The following FARS2 variants were observed in gnomAD, a reference collection of about 807,000 sequenced individuals.
FARS2 encodes the protein phenylalanine--tRNA ligase, mitochondrial.
In FARS2, 40 loss-of-function variants were observed where a neutral mutation model predicts 46.4. The ratio of observed to expected loss-of-function variants is 0.86; its 90% CI spans 0.67 to 1.12. The LOEUF is 1.12. FARS2 is among the 50% of genes most tolerant of loss of function. The pLI is 0.00. For missense variants in FARS2, 513 were observed against 567.9 expected (o/e 0.90, Z 0.98); for synonymous variants, 234 against 214.9 (o/e 1.09, Z -0.78).
At chr6:5,637,829 C>T (rs1776618582) in intron 6 of FARS2, among the ~76,000 whole-genome samples, 1 of 152,126 alleles carries the variant, frequency 6.6e-6, no homozygotes, top group South Asian at 2.1e-4. Flanking sequence ...TCTGTGTCCT[C>T]CACTTCTTAT....
intron 4 of FARS2, among the ~76,000 whole-genome samples, chr6:5,507,331 G>A (rs1486632021): frequency 6.6e-6 from 1 of 152,058 alleles, no homozygotes; most frequent in African/African-American, 2.4e-5. Flanking sequence ...CCCATTTGGG[G>A]TTTGAGGTAT....
chr6:5,349,909 T>C (rs1368904006), intron 1 of FARS2, among the ~76,000 whole-genome samples: 2 of 151,544 alleles, frequency 1.3e-5, no homozygotes, highest in Admixed American at 6.6e-5. Context: ...AGGATCACAA[T>C]TGTAAAGGGC....
At chr6:5,383,805 C>T (rs1023962222) in intron 2 of FARS2, among the ~76,000 whole-genome samples, 15 of 151,284 alleles carry the variant, frequency 9.9e-5, no homozygotes, top group Non-Finnish European at 4.4e-5. Context: ...TGTTCTTTCC[C>T]GTGGTTGACT....
At chr6:5,402,233 T>G (rs201224196) in intron 2 of FARS2, among the ~76,000 whole-genome samples, 1 of 150,290 alleles carries the variant, frequency 6.7e-6, no homozygotes, top group Non-Finnish European at 1.5e-5. Flanking sequence ...CTTTTTTTTT[T>G]CTGAGTTAAA....
chr6:5,692,894 C>T (rs1757847920), intron 6 of FARS2, among the ~76,000 whole-genome samples: 1 of 152,146 alleles, frequency 6.6e-6, no homozygotes, highest in Non-Finnish European at 1.5e-5. Flanking sequence ...GCCAACCCTC[C>T]CAAGCTTCAG....
intron 4 of FARS2, among the ~76,000 whole-genome samples, chr6:5,492,845 TA>T (rs202063483): frequency 0.19 from 28,248 of 152,226 alleles, 2,967 homozygotes; most frequent in African/African-American, 0.26. Context: ...GGCTAGAGTG[TA>T]TATAGCCTTA....
At chr6:5,612,110 C>G (rs879937249) in intron 5 of FARS2, among the ~76,000 whole-genome samples, 18 of 151,884 alleles carry the variant, frequency 1.2e-4, no homozygotes, top group Non-Finnish European at 2.5e-4. Flanking sequence ...TGCTAACTAT[C>G]GTGTTTGTAT....
chr6:5,298,081 T>C (rs1304126401), intron 1 of FARS2, among the ~76,000 whole-genome samples: 1 of 152,250 alleles, frequency 6.6e-6, no homozygotes, highest in African/African-American at 2.4e-5. Flanking sequence ...GAGCAACAGC[T>C]AAGAAACTTA....
At chr6:5,602,670 A>AAGG (rs1554114901) in intron 5 of FARS2, among the ~76,000 whole-genome samples, 87 of 137,714 alleles carry the variant, frequency 6.3e-4, no homozygotes, top group South Asian at 2.6e-3. Context: ...AAAAAAAAAA[A>AAGG]GGGAACCTCC....
At chr6:5,428,651 G>A (rs1198412831) in intron 3 of FARS2, among the ~76,000 whole-genome samples, 1 of 152,198 alleles carries the variant, frequency 6.6e-6, no homozygotes, top group Admixed American at 6.5e-5. Flanking sequence ...TTGTTAGCAG[G>A]ATTGTCTCTG....
intron 1 of FARS2, among the ~76,000 whole-genome samples, chr6:5,314,701 A>G (rs1386316198): frequency 6.6e-6 from 1 of 152,150 alleles, no homozygotes; most frequent in African/African-American, 2.4e-5. Flanking sequence ...TTCTCCTCAC[A>G]CTTGTGACCC....
chr6:5,736,797 C>T (rs1760982335), intron 6 of FARS2, among the ~76,000 whole-genome samples: 1 of 151,936 alleles, frequency 6.6e-6, no homozygotes, highest in Non-Finnish European at 1.5e-5. Flanking sequence ...TAGAATACCC[C>T]TTTTTTAATC....
chr6:5,432,342 A>ATT (rs1562036484), intron 4 of FARS2, among the ~76,000 whole-genome samples: 185 of 34,260 alleles, frequency 5.4e-3, no homozygotes, highest in South Asian at 0.013. Context: ...ATATATATAT[A>ATT]TATATATATT....
intron 4 of FARS2, among the ~76,000 whole-genome samples, chr6:5,513,539 G>A (rs551492444): frequency 6.6e-6 from 1 of 152,312 alleles, no homozygotes; most frequent in African/African-American, 2.4e-5. Flanking sequence ...CTTTGTGTTC[G>A]AGTCTCAAAT....
intron 5 of FARS2, among the ~76,000 whole-genome samples, chr6:5,587,871 A>T (rs1384177112): frequency 6.6e-6 from 1 of 152,164 alleles, no homozygotes; most frequent in Non-Finnish European, 1.5e-5. Context: ...GGACAATGAT[A>T]TTTATCTCAT....
At chr6:5,522,255 T>C (rs1769188139) in intron 4 of FARS2, among the ~76,000 whole-genome samples, 1 of 152,168 alleles carries the variant, frequency 6.6e-6, no homozygotes, top group Non-Finnish European at 1.5e-5. Context: ...AGCCCAGACC[T>C]GGAAGGGGCT....
At chr6:5,396,273 G>A (rs1760895461) in intron 2 of FARS2, among the ~76,000 whole-genome samples, 1 of 152,152 alleles carries the variant, frequency 6.6e-6, no homozygotes, top group African/African-American at 2.4e-5. Context: ...ATAAATTCCA[G>A]TGATGCTAAA....
intron 4 of FARS2, among the ~76,000 whole-genome samples, chr6:5,482,578 A>G (rs959563926): frequency 3.9e-5 from 6 of 152,122 alleles, no homozygotes; most frequent in Admixed American, 3.9e-4. Context: ...GTGGTGTGCT[A>G]GGTACAAGCT....
chr6:5,329,484 A>G (rs1483943934), intron 1 of FARS2, among the ~76,000 whole-genome samples: 1 of 152,148 alleles, frequency 6.6e-6, no homozygotes, highest in Non-Finnish European at 1.5e-5. Flanking sequence ...TTTTATGTCA[A>G]CCAATCATCC....
Sources: gnomAD v4.1 joint callset for allele counts (sites outside exome capture counted in the v4.1 genomes callset) on GRCh38, gnomAD v4.1.1 for gene constraint, MANE v1.5 for transcripts, NCBI Gene and HGNC (gene_info 2026-07-23, HGNC 2026-07-21) for gene names.